Variants in USP15 observed in about 807,000 individuals in gnomAD.
The protein encoded by USP15 is ubiquitin carboxyl-terminal hydrolase 15.
A neutral mutation model predicts 127.1 loss-of-function variants in USP15; 18 were observed. That is an observed-to-expected ratio of 0.14 (90% CI 0.10 to 0.21). The LOEUF is 0.21. USP15 is among the 10% of genes least tolerant of loss of function. The pLI is 1.00. For synonymous variants in USP15, 364 were observed against 393.7 expected, an observed-to-expected ratio of 0.92 and a Z score of 0.89; for missense variants, 805 against 1,159.9, an observed-to-expected ratio of 0.69 and a Z score of 4.44.
chr12:62,320,352 C>T lies in USP15; in HGVS notation c.476-1112C>T, dbSNP rs186134462. 9.3e-4 allele frequency among the ~76,000 whole-genome samples: 141 copies of T among 152,272 alleles called. 1 individual carries two copies. The highest frequency in any genetic ancestry group is 1.5e-3 in the Admixed American group (23 of 15,292). On this transcript the variant is annotated intron_variant, in intron 4 of 21. Transcript: ENST00000280377. ...TGATAAGATGTGCTTGCTTCCCCTT[C>T]GCCTTCCACCATGATTGTAAGTTTC...
rs35916086 is a variant in USP15 at position 62,407,737 on chromosome 12, C to CTGTT, written c.*3380_*3383dup. On this transcript the variant is annotated 3_prime_UTR_variant, in exon 22 of 22. Transcript: ENST00000280377. ...GTAAACTCTACTCTAGTTTTGCTTT[C>CTGTT]TGTTTGTTTGTTTGTTTGTTTAGAG... The CTGTT allele has an allele frequency of 0.34, 51,450 of 151,068 alleles. 10,364 individuals carry two copies. Among genetic ancestry groups the CTGTT allele is most frequent in the East Asian group, 0.46 (2,320 of 5,084 alleles). 9.4% of individuals were successfully genotyped at this position (151,068 alleles called of 1,614,324 possible). A position where few individuals can be genotyped will look rare whatever the true frequency, so the allele number is the denominator to read the frequency against.
chr12:62,299,358 GC>G (rs1396974786), intron 2 of USP15, among the ~76,000 whole-genome samples: 1 of 152,098 alleles, frequency 6.6e-6, no homozygotes, highest in African/African-American at 2.4e-5. Flanking sequence ...TGATCCATCC[GC>G]CTCAGTCCCC....
intron 8 of USP15, among the ~76,000 whole-genome samples, chr12:62,373,742 G>A (rs1384750856): frequency 1.3e-5 from 2 of 151,788 alleles, no homozygotes; most frequent in East Asian, 1.9e-4. Flanking sequence ...GAGATATAAA[G>A]TAAAACAGAG....
Position 62,412,550 on chromosome 12 carries a change from A to G in USP15, c.*8175A>G. ...TCAACTAAGTTTATGGAATATTCTA[A>G]ATCCTTTGTTGTCTTTTCAACAATG... On this transcript the variant is annotated 3_prime_UTR_variant, in exon 22 of 22. Transcript: ENST00000280377. The G allele has an allele frequency of 6.1e-6, 1 of 164,180 alleles. No individual in the cohort carries two copies. The highest frequency in any genetic ancestry group is 6.3e-5 in the Admixed American group (1 of 15,766). 10.2% of individuals were successfully genotyped at this position (164,180 alleles called of 1,614,324 possible). A position where few individuals can be genotyped will look rare whatever the true frequency, so the allele number is the denominator to read the frequency against.
At chr12:62,341,260 C>T (rs944366225) in intron 6 of USP15, among the ~76,000 whole-genome samples, 1 of 151,762 alleles carries the variant, frequency 6.6e-6, no homozygotes, top group African/African-American at 2.4e-5. Context: ...TTATTTTGAG[C>T]CTATGTATGT....
chr12:62,340,375 G>A (rs1392243870), intron 6 of USP15, among the ~76,000 whole-genome samples: 2 of 151,852 alleles, frequency 1.3e-5, no homozygotes, highest in Non-Finnish European at 2.9e-5. Flanking sequence ...GGTTCTTCCT[G>A]TCTCTATCTC....
chr12:62,343,070 A>G (rs2065695952), intron 6 of USP15, among the ~76,000 whole-genome samples: 1 of 152,152 alleles, frequency 6.6e-6, no homozygotes, highest in Non-Finnish European at 1.5e-5. Context: ...TTCATCTGTA[A>G]GCCCCTGGCT....
At chr12:62,337,188 T>C (rs995530337) in intron 6 of USP15, among the ~76,000 whole-genome samples, 3 of 152,218 alleles carry the variant, frequency 2.0e-5, no homozygotes, top group African/African-American at 7.2e-5. Flanking sequence ...CCAAATTTTA[T>C]CATTGGCTGC....
At chr12:62,389,393 A>G in intron 11 of USP15, 38 bp from the exon 12 acceptor site, 4 of 1,564,644 alleles carry the variant, frequency 2.6e-6, no homozygotes, top group Non-Finnish European at 3.5e-6. Context: ...TTTTTTTTCC[A>G]AAATAATAAA....
chr12:62,289,619 T>G (rs1210734459), intron 1 of USP15, among the ~76,000 whole-genome samples: 1 of 152,026 alleles, frequency 6.6e-6, no homozygotes, highest in African/African-American at 2.4e-5. Flanking sequence ...TCCTCTGATC[T>G]TTATGTCTTT....
intron 2 of USP15, 80 bp downstream of exon 2, chr12:62,294,386 A>C: frequency 6.7e-7 from 1 of 1,495,196 alleles, no homozygotes. Flanking sequence ...AATTTGGAAA[A>C]TGTTAGCGCA....
At chr12:62,271,382 A>C (rs1470821634) in intron 1 of USP15, among the ~76,000 whole-genome samples, 2 of 152,018 alleles carry the variant, frequency 1.3e-5, no homozygotes, top group Non-Finnish European at 2.9e-5. Context: ...ACAAGGGGCT[A>C]TATTAATATT....
chr12:62,401,386 G>C, intron 21 of USP15, 111 bp downstream of exon 21: 3 of 739,966 alleles, frequency 4.1e-6, no homozygotes, highest in Admixed American at 3.5e-5. Flanking sequence ...CTAGCAGCTT[G>C]AGTAGCTAAA....
rs1469015180 is a variant in USP15 at position 62,327,245 on chromosome 12, AG to A, written c.683+1313del. ...TTTTTTCCCATTTAAAAATATCATG[AG>A]AAGGCACCTAAATATGTTAATTACA... On this transcript the variant is annotated intron_variant, in intron 6 of 21. Coordinates refer to ENST00000280377, the MANE Select transcript of USP15 (RefSeq NM_001252078.2). Among the ~76,000 whole-genome samples, 5 of 152,144 alleles carry A rather than the reference AG, an allele frequency of 3.3e-5. No homozygotes were observed. The East Asian group carries it at 9.7e-4, about 29-fold the overall frequency.
At chr12:62,319,197 G>C (rs1202002651) in intron 4 of USP15, among the ~76,000 whole-genome samples, 1 of 152,102 alleles carries the variant, frequency 6.6e-6, no homozygotes, top group Non-Finnish European at 1.5e-5. Flanking sequence ...GAGAGCAAAG[G>C]GGGAAGTGCT....
At chr12:62,333,896 G>C (rs1400524503) in intron 6 of USP15, among the ~76,000 whole-genome samples, 3 of 152,024 alleles carry the variant, frequency 2.0e-5, no homozygotes, top group Non-Finnish European at 4.4e-5. Flanking sequence ...TAATGAAGAA[G>C]GACAGTTGGC....
chr12:62,302,998 T>C lies in USP15; in HGVS notation c.348+78T>C. On this transcript the variant is annotated intron_variant, in intron 3 of 21. Coordinates refer to ENST00000280377, the MANE Select transcript of USP15 (RefSeq NM_001252078.2). Reference sequence around the variant, plus strand: ...ATTTTATTATTAATTCAATGAATTGTGAAGTTTCATCACTTATCTTAGAGA... The same window carrying C: ...ATTTTATTATTAATTCAATGAATTGCGAAGTTTCATCACTTATCTTAGAGA... The C allele has an allele frequency of 3.3e-6, 5 of 1,494,892 alleles. No individual in the cohort carries two copies. In the South Asian group the frequency reaches 6.2e-5, roughly 19 times the overall value. 92.6% of individuals were successfully genotyped at this position (1,494,892 alleles called of 1,614,324 possible).
rs535634554 is a variant in USP15, at chr12:62,347,320, C to T, written c.684-1901C>T. Among the ~76,000 whole-genome samples, 13 of 150,262 alleles carry T rather than the reference C, an allele frequency of 8.7e-5. No homozygotes were observed. The East Asian group carries it at 1.7e-3, about 20-fold the overall frequency. On this transcript the variant is annotated intron_variant, in intron 6 of 21. Coordinates refer to ENST00000280377, the MANE Select transcript of USP15 (RefSeq NM_001252078.2). ...GTGTGTGTGTACATATATATATGTA[C>T]ACAGACATACACAGTGTGTGTGTAT...
intron 8 of USP15, among the ~76,000 whole-genome samples, chr12:62,362,594 T>C (rs1216150012): frequency 6.6e-6 from 1 of 152,206 alleles, no homozygotes; most frequent in African/African-American, 2.4e-5. Flanking sequence ...TTTCAGAATA[T>C]TGTAGATTAT....
Sources: allele counts gnomAD v4.1 joint callset (sites outside exome capture counted in the v4.1 genomes callset), GRCh38; gene constraint gnomAD v4.1.1; transcripts MANE v1.5; gene names NCBI Gene and HGNC (gene_info 2026-07-23, HGNC 2026-07-21).